The following MSI1 variants were observed in gnomAD, a reference collection of about 807,000 sequenced individuals.
MSI1 encodes the protein RNA-binding protein Musashi homolog 1.
Under a neutral mutation model 54.4 loss-of-function variants are expected in MSI1, and 15 were observed. That is an observed-to-expected ratio of 0.28 (90% CI 0.18 to 0.42). MSI1 has a LOEUF of 0.42. Among genes scored for constraint, MSI1 ranks in the 20% least tolerant of loss-of-function variants. MSI1 has a pLI of 1.00. For synonymous variants in MSI1, 200 were observed against 196.5 expected, an observed-to-expected ratio of 1.02 and a Z score of -0.15; for missense variants, 304 against 506.0, an observed-to-expected ratio of 0.60 and a Z score of 3.83.
rs1388785753 is a variant in MSI1, at chr12:120,368,918, C to A, written c.60-45G>T. The A allele has an allele frequency of 9.6e-6, 13 of 1,348,208 alleles. No homozygotes were observed. Among genetic ancestry groups the A allele is most frequent in the Admixed American group, 2.6e-5 (1 of 38,034 alleles). The allele number at this position is 1,348,208 out of a possible 1,614,324, so 83.5% of individuals were successfully genotyped here. A position where few individuals can be genotyped will look rare whatever the true frequency, so the allele number is the denominator to read the frequency against. On this transcript the variant is annotated intron_variant, in intron 1 of 14. Coordinates refer to ENST00000257552, the MANE Select transcript of MSI1 (RefSeq NM_002442.4). The surrounding 1 kb of genome is among the most constrained non-coding windows in gnomAD (Gnocchi z 6.6). ...ACAAAGGGCCCGCGTGAGCGCCGGGCGCCAGGGCGCAGGGGGCGCGGGCCC... is the reference window on the plus strand; with the variant it reads ...ACAAAGGGCCCGCGTGAGCGCCGGGAGCCAGGGCGCAGGGGGCGCGGGCCC...
chr12:120,340,072 G>A (rs958238361), downstream of MSI1, among the ~76,000 whole-genome samples: 2 of 147,838 alleles, frequency 1.4e-5, no homozygotes, highest in Non-Finnish European at 3.0e-5. Context: ...GTGAGCCAAC[G>A]TGCCCAGCCA....
At chr12:120,356,627 AG>A (rs1223088648) in intron 9 of MSI1, among the ~76,000 whole-genome samples, 2 of 152,240 alleles carry the variant, frequency 1.3e-5, no homozygotes, top group Non-Finnish European at 2.9e-5. Context: ...GGACAGATGG[AG>A]GGATGGATGG....
intron 13 of MSI1, among the ~76,000 whole-genome samples, 155 bp from the exon 14 acceptor site, chr12:120,345,787 C>G (rs747968859): frequency 1.3e-5 from 2 of 151,968 alleles, no homozygotes; most frequent in African/African-American, 2.4e-5. Context: ...CGGATCACCC[C>G]CCACTGCAGG....
chr12:120,341,132 C>T (rs983779194), downstream of MSI1, among the ~76,000 whole-genome samples: 1 of 151,930 alleles, frequency 6.6e-6, no homozygotes, highest in African/African-American at 2.4e-5. Flanking sequence ...TTGATCTGCC[C>T]ACCTCTGCCT....
At chr12:120,353,413 A>C in intron 9 of MSI1, 34 bp from the exon 10 acceptor site, 1 of 1,594,978 alleles carries the variant, frequency 6.3e-7, no homozygotes, top group Non-Finnish European at 8.6e-7. Context: ...CAGATGGCTC[A>C]TCCACAGGGC....
rs765080962 is a variant in MSI1, at chr12:120,347,468, T to TGCC, written c.834_836dup (p.Ala281dup). ...CACCTGTCCCTCGAACCACAGCCGC[T>TGCC]GCCGCCGCTGCCGCCGCCATTGGTC... On this transcript the variant is annotated inframe_insertion, in exon 12 of 15. Coordinates refer to ENST00000257552, the MANE Select transcript of MSI1 (RefSeq NM_002442.4). The TGCC allele has an allele frequency of 1.9e-6, 3 of 1,613,950 alleles. No individual in the cohort carries two copies. The highest frequency in any genetic ancestry group is 4.5e-5 in the East Asian group (2 of 44,870).
At chr12:120,355,422 AAG>A (rs1875026280) in intron 9 of MSI1, among the ~76,000 whole-genome samples, 1 of 151,988 alleles carries the variant, frequency 6.6e-6, no homozygotes, top group African/African-American at 2.4e-5. Context: ...AAAAAAAAGA[AAG>A]AAAAAAATAT....
intron 10 of MSI1, among the ~76,000 whole-genome samples, chr12:120,352,049 A>G (rs1177461183): frequency 7.0e-6 from 1 of 142,072 alleles, no homozygotes; most frequent in African/African-American, 2.6e-5. Flanking sequence ...ACAGGGTCTC[A>G]CTCTGCTGCC....
chr12:120,366,502 CCA>C (rs988484706), intron 4 of MSI1, among the ~76,000 whole-genome samples: 70 of 152,222 alleles, frequency 4.6e-4, no homozygotes, highest in African/African-American at 1.5e-3. Context: ...CACCAGCGCA[CCA>C]CACACAGTCC....
At chr12:120,348,581 G>A (rs1277221622) in intron 11 of MSI1, among the ~76,000 whole-genome samples, 3 of 145,156 alleles carry the variant, frequency 2.1e-5, no homozygotes, top group African/African-American at 5.1e-5. Flanking sequence ...TAATTTTTTT[G>A]TAAAGATAGG....
intron 13 of MSI1, 80 bp downstream of exon 13, chr12:120,346,055 G>A (rs1874090425): frequency 1.6e-6 from 2 of 1,271,900 alleles, no homozygotes; most frequent in African/African-American, 1.5e-5. Flanking sequence ...CAGAGACAAA[G>A]AAGTTCTCTC....
At chr12:120,347,702 G>T (rs976670428) in intron 11 of MSI1, among the ~76,000 whole-genome samples, 188 bp from the exon 12 acceptor site, 1 of 152,180 alleles carries the variant, frequency 6.6e-6, no homozygotes. Flanking sequence ...TGGCATGGAT[G>T]GAAAAAGGTG....
At chr12:120,361,090 C>T (rs746957128) in intron 6 of MSI1, among the ~76,000 whole-genome samples, 15 of 151,994 alleles carry the variant, frequency 9.9e-5, no homozygotes, top group Non-Finnish European at 1.9e-4. Context: ...ACGGGGGGAA[C>T]GTGGCAAAGC....
intron 7 of MSI1, 51 bp downstream of exon 7, chr12:120,358,954 C>T (rs1875389364): frequency 6.4e-6 from 10 of 1,552,934 alleles, no homozygotes; most frequent in African/African-American, 1.4e-5. Context: ...CCTGCAGCCC[C>T]CTGGCTGACC....
chr12:120,364,789 G>T (rs781413758), intron 4 of MSI1, 34 bp from the exon 5 acceptor site: 2 of 1,577,432 alleles, frequency 1.3e-6, no homozygotes, highest in Non-Finnish European at 1.7e-6. Flanking sequence ...AGGGGTCTTG[G>T]TTATCGCATT....
intron 14 of MSI1, 75 bp downstream of exon 14, chr12:120,345,495 T>C: frequency 7.5e-7 from 1 of 1,330,232 alleles, no homozygotes; most frequent in Non-Finnish European, 1.1e-6. Context: ...GGATGGGGTC[T>C]GTGTCCCAGA....
chr12:120,364,796 C>A lies in MSI1; in HGVS notation c.268-41G>T, dbSNP rs147530067. On this transcript the variant is annotated intron_variant, in intron 4 of 14. Transcript: ENST00000257552. ...GAGGTAGAAGGGGTCTTGGTTATCG[C>A]ATTTTTAGAAGAGCGACCACACAGC... 595 of 1,569,384 alleles carry A rather than the reference C, an allele frequency of 3.8e-4. 1 individual carries two copies. The African/African-American group carries it at 7.3e-3, about 19-fold the overall frequency.
chr12:120,358,749 T>C (rs1315653912), intron 7 of MSI1, among the ~76,000 whole-genome samples: 2 of 21,622 alleles, frequency 9.2e-5, no homozygotes, highest in East Asian at 1.2e-3. Flanking sequence ...ACCACTAGGG[T>C]GGGGGTAGGA....
At chr12:120,341,174 C>G (rs367915655), downstream of MSI1, among the ~76,000 whole-genome samples, 5 of 152,238 alleles carry the variant, frequency 3.3e-5, no homozygotes, top group African/African-American at 1.2e-4. Context: ...GCATGAGCCA[C>G]TGTGACTGAC....
Sources: gnomAD v4.1 joint callset for allele counts (sites outside exome capture counted in the v4.1 genomes callset) on GRCh38, gnomAD v4.1.1 for gene constraint, Gnocchi (gnomAD v3.1) non-coding constraint, MANE v1.5 for transcripts, NCBI Gene and HGNC (gene_info 2026-07-23, HGNC 2026-07-21) for gene names.